ASAP3: variants seen among roughly 807,000 people sequenced by gnomAD.
The protein encoded by ASAP3 is arf-GAP with SH3 domain, ANK repeat and PH domain-containing protein 3.
Under a neutral mutation model 118.2 loss-of-function variants are expected in ASAP3, and 85 were observed. The observed-to-expected ratio is 0.72, with a 90% CI of 0.60 to 0.86. The LOEUF (loss-of-function observed/expected upper bound fraction) is 0.86, where lower values mean the gene tolerates loss of function less well. Among genes scored for constraint, ASAP3 ranks in the 40% least tolerant of loss-of-function variants. The pLI, the probability that ASAP3 is intolerant of heterozygous loss-of-function variation, is 0.00. For missense variants in ASAP3, 1,026 were observed against 1,175.0 expected (o/e 0.87, Z 1.85); for synonymous variants, 432 against 477.4 (o/e 0.90, Z 1.24).
chr1:23,441,285 A>C (rs1045804234), intron 9 of ASAP3, 74 bp from the exon 10 acceptor site: 1 of 1,604,864 alleles, frequency 6.2e-7, no homozygotes, highest in Non-Finnish European at 8.5e-7. Flanking sequence ...GGGCTCACTC[A>C]GGGAGACTTC....
chr1:23,439,370 C>G (rs1640786656), intron 10 of ASAP3, 140 bp from the exon 11 acceptor site: 1 of 730,468 alleles, frequency 1.4e-6, no homozygotes. Context: ...CCTACACCCC[C>G]ACCCCTGACC....
chr1:23,433,782 A>G, intron 19 of ASAP3, 89 bp from the exon 20 acceptor site: 1 of 1,534,166 alleles, frequency 6.5e-7, no homozygotes, highest in Non-Finnish European at 8.9e-7. Context: ...ATCAGAATGT[A>G]TGGGTTTGAA....
At chr1:23,454,076 G>C (rs1641307772) in intron 3 of ASAP3, among the ~76,000 whole-genome samples, 1 of 152,070 alleles carries the variant, frequency 6.6e-6, no homozygotes, top group South Asian at 2.1e-4. Flanking sequence ...CTGGAGCACA[G>C]TGGTGTGATC....
intron 1 of ASAP3, among the ~76,000 whole-genome samples, chr1:23,472,068 C>T (rs767914344): frequency 2.0e-5 from 3 of 152,034 alleles, no homozygotes; most frequent in Admixed American, 6.6e-5. Context: ...GGAAAGTTGT[C>T]GGGGGCCGGG....
chr1:23,468,176 C>T (rs1240755428), intron 1 of ASAP3, among the ~76,000 whole-genome samples: 1 of 152,040 alleles, frequency 6.6e-6, no homozygotes, highest in Admixed American at 6.6e-5. Context: ...GGAACTAAAC[C>T]GTTAAGACTC....
intron 5 of ASAP3, 53 bp downstream of exon 5, chr1:23,451,426 T>C (rs372914759): frequency 6.4e-7 from 1 of 1,571,994 alleles, no homozygotes; most frequent in African/African-American, 1.4e-5. Flanking sequence ...TTCTTCCCTA[T>C]CCAGCCTAAG....
At chr1:23,482,108 G>C (rs1642324112) in intron 1 of ASAP3, among the ~76,000 whole-genome samples, 2 of 152,336 alleles carry the variant, frequency 1.3e-5, no homozygotes, top group East Asian at 3.9e-4. Flanking sequence ...CAAAGTAGTA[G>C]GCTAGGCTCC....
intron 20 of ASAP3, 27 bp from the exon 21 acceptor site, chr1:23,433,559 C>G (rs371959761): frequency 1.2e-6 from 2 of 1,614,074 alleles, no homozygotes; most frequent in Non-Finnish European, 1.7e-6. Flanking sequence ...CTTGGTGGTT[C>G]AGAGGGTTGG....
In ASAP3 at chr1:23,431,847, A is replaced by G; in HGVS notation, c.2395T>C (p.Ser799Pro). The change falls in exon 23 of 25, where the codon TCC (serine) becomes CCC (proline). Residue 799 changes from serine (S) to proline (P), a missense_variant. Coordinates refer to ENST00000336689, the MANE Select transcript of ASAP3 (RefSeq NM_017707.4). ...TCCAAGGGGCTCATCAGACTGGAGGAGGAGGCTGGACTGCCCAGGCTCTCA... is the reference window on the plus strand; with the variant it reads ...TCCAAGGGGCTCATCAGACTGGAGGGGGAGGCTGGACTGCCCAGGCTCTCA... ...TPESLGSPAS[S>P]SSLMSPLEPG... The G allele has an allele frequency of 6.3e-7, 1 of 1,591,772 alleles. No homozygotes were observed. Among genetic ancestry groups the G allele is most frequent in the Non-Finnish European group, 8.5e-7 (1 of 1,173,236 alleles).
At chr1:23,468,448 G>A (rs927756099) in intron 1 of ASAP3, among the ~76,000 whole-genome samples, 10 of 152,172 alleles carry the variant, frequency 6.6e-5, no homozygotes, top group Non-Finnish European at 1.2e-4. Context: ...GATGTGGGAA[G>A]ATCAATGAAA....
intron 1 of ASAP3, among the ~76,000 whole-genome samples, chr1:23,457,759 C>T (rs976775389): frequency 5.9e-5 from 9 of 152,162 alleles, no homozygotes; most frequent in Non-Finnish European, 8.8e-5. Context: ...GTGATCCACC[C>T]GCTTCGGCCT....
chr1:23,447,268 G>A lies in ASAP3; in HGVS notation c.473+4211C>T, dbSNP rs116524683. Among the ~76,000 whole-genome samples the A allele has an allele frequency of 4.8e-3, 735 of 152,262 alleles. 6 individuals are homozygous for A. Among genetic ancestry groups the A allele is most frequent in the Non-Finnish European group, 6.3e-3 (428 of 68,018 alleles). On this transcript the variant is annotated intron_variant, in intron 5 of 24. Coordinates refer to ENST00000336689, the MANE Select transcript of ASAP3 (RefSeq NM_017707.4). The stretch of plus-strand genomic sequence containing the variant: ...TCAGATTAGCTGTTTTACTATTGCA[G>A]TGCTTGTGTTCAAGTAACCCTTAGT...
intron 1 of ASAP3, among the ~76,000 whole-genome samples, chr1:23,482,485 G>A (rs982497796): frequency 1.3e-5 from 2 of 151,960 alleles, no homozygotes; most frequent in African/African-American, 2.4e-5. Flanking sequence ...TCGCACCACT[G>A]TACTCCAGCC....
At position 23,433,187 on chromosome 1, in the gene ASAP3, C is replaced by T; in HGVS notation, c.2213G>A (p.Ser738Asn). Residue 738 changes from serine to asparagine, a missense_variant, in exon 22 of 25, where the codon AGC (serine) becomes AAC (asparagine). Ser to Asn is a conservative substitution (Grantham distance 46). Coordinates refer to ENST00000336689, the MANE Select transcript of ASAP3 (RefSeq NM_017707.4). ...ISNKTYETVA[S>N]LGAATPQGES... ...GCCCTGAGGGGTGGCTGCTCCCAGG[C>T]TGGCGACAGTCTCATAGGTCTTGTT... 6.2e-7 allele frequency: 1 copy of T among 1,614,192 alleles called. No individual in the cohort carries two copies. The highest frequency in any genetic ancestry group is 8.5e-7 in the Non-Finnish European group (1 of 1,180,044).
In ASAP3 at chr1:23,431,845, G is replaced by A. The variant is rs1234425918; in HGVS notation, c.2397C>T (p.Ser799=). ...TPESLGSPAS[S]SSLMSPLEPG... ...GTTCCAAGGGGCTCATCAGACTGGA[G>A]GAGGAGGCTGGACTGCCCAGGCTCT... Residue 799 remains serine (S), a synonymous_variant, in exon 23 of 25, where the codon TCC becomes TCT. Transcript: ENST00000336689. 4.4e-6 allele frequency: 7 copies of A among 1,591,668 alleles called. No homozygotes were observed. The East Asian group carries it at 9.0e-5, about 20-fold the overall frequency.
chr1:23,478,864 G>A (rs930023808), intron 1 of ASAP3, among the ~76,000 whole-genome samples: 7 of 152,164 alleles, frequency 4.6e-5, no homozygotes, highest in African/African-American at 1.4e-4. Context: ...AACCAGGGAG[G>A]TACAGAACAG....
chr1:23,435,967 T>C lies in ASAP3; in HGVS notation c.1633A>G (p.Thr545Ala), dbSNP rs997600722. 24 of 1,614,136 alleles carry C rather than the reference T, an allele frequency of 1.5e-5. No individual in the cohort carries two copies. The highest frequency in any genetic ancestry group is 2.0e-5 in the Non-Finnish European group (24 of 1,180,058). ...YVEHRFARRC[T>A]PEPQRLWTAI... ...GTCCAGAGTCGCTGAGGCTCAGGTG[T>C]GCACCGGCGTGCAAACCTATGCTCC... Residue 545 changes from threonine (T) to alanine (A), a missense_variant, in exon 17 of 25, where the codon ACA becomes GCA. Physicochemically the swap from Thr to Ala is moderately conservative, Grantham distance 58 (BLOSUM62 0). Coordinates refer to ENST00000336689, the MANE Select transcript of ASAP3 (RefSeq NM_017707.4).
chr1:23,437,158 A>G lies in ASAP3; in HGVS notation c.1314T>C (p.Asn438=), dbSNP rs761182884. The G allele has an allele frequency of 3.1e-6, 5 of 1,608,218 alleles. No individual in the cohort carries two copies. The highest frequency in any genetic ancestry group is 2.2e-5 in the South Asian group (2 of 89,860). The change falls in exon 14 of 25, where the codon AAT becomes AAC. Residue 438 remains asparagine, a synonymous_variant. Coordinates refer to ENST00000336689, the MANE Select transcript of ASAP3 (RefSeq NM_017707.4). The surrounding 1 kb of genome is among the most constrained non-coding windows in gnomAD (Gnocchi z 6.1). ...LIAEVKSRPG[N]SQCCDCGAAD... is the part of the protein sequence containing the mutation. ...CAGCCCCGCAGTCGCAGCACTGGCTATTCCCAGGCCTGCTCTTCACCTCCG... is the reference window on the plus strand; with the variant it reads ...CAGCCCCGCAGTCGCAGCACTGGCTGTTCCCAGGCCTGCTCTTCACCTCCG...
intron 19 of ASAP3, 103 bp from the exon 20 acceptor site, chr1:23,433,796 T>G: frequency 6.8e-7 from 1 of 1,466,244 alleles, no homozygotes; most frequent in South Asian, 1.2e-5. Context: ...GTTTGAATCC[T>G]GGCTCTGCCA....
Sources: allele counts gnomAD v4.1 joint callset (sites outside exome capture counted in the v4.1 genomes callset), GRCh38; gene constraint gnomAD v4.1.1; non-coding constraint Gnocchi (gnomAD v3.1); transcripts MANE v1.5; gene names NCBI Gene and HGNC (gene_info 2026-07-23, HGNC 2026-07-21).